Variants in CACNA1C observed in about 807,000 individuals in gnomAD.
CACNA1C encodes the protein voltage-dependent L-type calcium channel subunit alpha-1C.
CACNA1C carries 30 observed loss-of-function variants against 229.0 expected under a neutral mutation model. That is an observed-to-expected ratio of 0.13 (90% CI 0.10 to 0.18). CACNA1C has a LOEUF of 0.18. Among genes scored for constraint, CACNA1C ranks in the 10% least tolerant of loss-of-function variants. The probability of loss-of-function intolerance (pLI) is 1.00; values close to 1 mark genes in which losing one functional copy is unlikely to be tolerated. For synonymous variants in CACNA1C, 1,114 were observed against 1,132.5 expected, an observed-to-expected ratio of 0.98 and a Z score of 0.33; for missense variants, 1,658 against 2,845.0, an observed-to-expected ratio of 0.58 and a Z score of 9.49.
rs975707535 is a variant in CACNA1C, at chr12:2,287,042, C to T, written c.478-161934C>T. ...TTTGGAAGCTGTGTGCCTTGTCTGGCTGACTGTCCCAATTACCCCGGGCCC... is the reference window on the plus strand; with the variant it reads ...TTTGGAAGCTGTGTGCCTTGTCTGGTTGACTGTCCCAATTACCCCGGGCCC... On this transcript the variant is annotated intron_variant, in intron 3 of 46. Coordinates refer to ENST00000399655, the MANE Select transcript of CACNA1C (RefSeq NM_000719.7). The surrounding 1 kb of genome is among the most constrained non-coding windows in gnomAD (Gnocchi z 4.6). Among the ~76,000 whole-genome samples, 37 of 152,222 alleles carry T rather than the reference C, an allele frequency of 2.4e-4. No individual in the cohort carries two copies. Among genetic ancestry groups the T allele is most frequent in the African/African-American group, 8.9e-4 (37 of 41,462 alleles).
chr12:2,250,366 A>G (rs935854652), intron 3 of CACNA1C, among the ~76,000 whole-genome samples: 1 of 152,182 alleles, frequency 6.6e-6, no homozygotes, highest in Non-Finnish European at 1.5e-5. Context: ...CACGCACAGC[A>G]CCGAATCCTG....
At chr12:2,144,766 ATTGT>A (rs1014925853) in intron 3 of CACNA1C, among the ~76,000 whole-genome samples, 3 of 151,390 alleles carry the variant, frequency 2.0e-5, no homozygotes, top group African/African-American at 7.3e-5. Context: ...TTTAGGGTAG[ATTGT>A]TTGTAGAGTT....
intron 1 of CACNA1C, chr12:2,019,961 T>C (rs909179822): frequency 3.3e-5 from 5 of 152,210 alleles, no homozygotes; most frequent in Admixed American, 3.3e-4. Flanking sequence ...AGCTTTAAAA[T>C]AGTATGAAAG....
chr12:2,350,312 A>G (rs2097167710), intron 3 of CACNA1C, among the ~76,000 whole-genome samples: 2 of 152,324 alleles, frequency 1.3e-5, no homozygotes, highest in Middle Eastern at 3.4e-3. Flanking sequence ...CATGGGCCAG[A>G]TGCTGCTGAA....
intron 1 of CACNA1C, among the ~76,000 whole-genome samples, chr12:2,017,578 G>A (rs2045604926): frequency 6.6e-6 from 1 of 152,026 alleles, no homozygotes; most frequent in South Asian, 2.1e-4. Flanking sequence ...TGGCTACTTA[G>A]GATCCAATTA....
intron 3 of CACNA1C, among the ~76,000 whole-genome samples, chr12:2,404,836 C>G (rs2098718142): frequency 6.6e-6 from 1 of 152,084 alleles, no homozygotes. Context: ...AAGAGTTAAG[C>G]ATGAAGGACC....
chr12:2,634,506 G>C (rs1398022892), intron 30 of CACNA1C, 126 bp downstream of exon 30: 1 of 395,824 alleles, frequency 2.5e-6, no homozygotes, highest in Non-Finnish European at 4.5e-6. Context: ...TAATTTGTTT[G>C]TTTGAATTGG....
In CACNA1C at chr12:2,649,794, C is replaced by CT. The variant is rs1271148867; in HGVS notation, c.3945+1295dup. ...CTAAAGTTCTCCACTTAAGCTTGTT[C>CT]TTTTTTTTCTCCTTTCTCGAACACG... On this transcript the variant is annotated intron_variant, in intron 31 of 46. Coordinates refer to ENST00000399655, the MANE Select transcript of CACNA1C (RefSeq NM_000719.7). The surrounding 1 kb of genome is among the most constrained non-coding windows in gnomAD (Gnocchi z 4.4). Among the ~76,000 whole-genome samples, 10 of 151,854 alleles carry CT rather than the reference C, an allele frequency of 6.6e-5. No individual in the cohort carries two copies. The highest frequency in any genetic ancestry group is 1.2e-4 in the Non-Finnish European group (8 of 67,990).
In CACNA1C at chr12:2,697,269, C is replaced by T. The variant is rs560909895; in HGVS notation, c.*6070C>T. The T allele has an allele frequency of 3.3e-5, 5 of 152,110 alleles. No homozygotes were observed. The highest frequency in any genetic ancestry group is 6.5e-5 in the Admixed American group (1 of 15,278). The allele number at this position is 152,110 out of a possible 1,614,324, so 9.4% of individuals were successfully genotyped here. ...GAATGCATGCTGTTCCCCCAAGCCT[C>T]GTGGGAGTGAGGCCATGGGAAACAG... On this transcript the variant is annotated 3_prime_UTR_variant, in exon 47 of 47. Transcript: ENST00000399655.
chr12:2,218,784 A>T (rs887288819), intron 3 of CACNA1C, among the ~76,000 whole-genome samples: 4 of 152,230 alleles, frequency 2.6e-5, no homozygotes, highest in Non-Finnish European at 5.9e-5. Flanking sequence ...AGGTTCTCAG[A>T]TCAGTTGCAG....
At chr12:2,376,479 T>A (rs2098072664) in intron 3 of CACNA1C, among the ~76,000 whole-genome samples, 1 of 152,136 alleles carries the variant, frequency 6.6e-6, no homozygotes, top group East Asian at 1.9e-4. Context: ...ACTCATTAGG[T>A]TCTCAGCAAA....
chr12:2,085,814 G>C (rs2067398074), intron 1 of CACNA1C, among the ~76,000 whole-genome samples: 2 of 152,184 alleles, frequency 1.3e-5, no homozygotes, highest in South Asian at 4.1e-4. Context: ...GTAAATGATA[G>C]GTGGTCCTGC....
intron 3 of CACNA1C, among the ~76,000 whole-genome samples, chr12:2,129,335 C>A (rs1279455968): frequency 6.6e-6 from 1 of 152,094 alleles, no homozygotes; most frequent in African/African-American, 2.4e-5. Flanking sequence ...GAGCCTGGGG[C>A]AATTGTTTGA....
At chr12:2,445,639 C>T (rs2154561941) in intron 3 of CACNA1C, among the ~76,000 whole-genome samples, 1 of 152,294 alleles carries the variant, frequency 6.6e-6, no homozygotes, top group South Asian at 2.1e-4. Context: ...GCTGCTGGCC[C>T]TGCAGTAAAC....
intron 3 of CACNA1C, among the ~76,000 whole-genome samples, chr12:2,411,744 C>T (rs1302440139): frequency 6.6e-6 from 1 of 152,230 alleles, no homozygotes; most frequent in Non-Finnish European, 1.5e-5. Flanking sequence ...AGGGGATTAG[C>T]CCAGCGCTGC....
At chr12:2,476,159 A>G (rs1311346945) in intron 5 of CACNA1C, among the ~76,000 whole-genome samples, 1 of 152,234 alleles carries the variant, frequency 6.6e-6, no homozygotes, top group African/African-American at 2.4e-5. Context: ...TCGTGATGCA[A>G]TCACTTCCAA....
At chr12:1,975,936 T>C (rs1227661839) in intron 1 of CACNA1C, among the ~76,000 whole-genome samples, 3 of 152,152 alleles carry the variant, frequency 2.0e-5, no homozygotes, top group Admixed American at 1.3e-4. Context: ...AGAAGGGTTG[T>C]TTACTCACAC....
At chr12:2,437,860 G>A (rs762705379) in intron 3 of CACNA1C, among the ~76,000 whole-genome samples, 1,336 of 126,106 alleles carry the variant, frequency 0.011, 17 homozygotes, top group Non-Finnish European at 0.019. Flanking sequence ...TGATGGTGGT[G>A]ATGGTGGTGG....
At chr12:1,998,004 C>T (rs777964503) in intron 1 of CACNA1C, 1 of 1,585,696 alleles carries the variant, frequency 6.3e-7, no homozygotes, top group South Asian at 1.2e-5. Flanking sequence ...ACACACAAGA[C>T]ATGTATGTTC....
Sources: allele counts gnomAD v4.1 joint callset (sites outside exome capture counted in the v4.1 genomes callset), GRCh38; gene constraint gnomAD v4.1.1; non-coding constraint Gnocchi (gnomAD v3.1); transcripts MANE v1.5; gene names NCBI Gene and HGNC (gene_info 2026-07-23, HGNC 2026-07-21).